Variants in FNIP1 observed in about 807,000 individuals in gnomAD.
FNIP1 encodes folliculin interacting protein 1, also known as folliculin-interacting protein 1.
FNIP1 carries 40 observed loss-of-function variants against 124.5 expected under a neutral mutation model. That is an observed-to-expected ratio of 0.32 (90% CI 0.25 to 0.42). The LOEUF is 0.42. FNIP1 is among the 10% of genes least tolerant of loss of function. The pLI is 1.00. For synonymous variants in FNIP1, 472 were observed against 470.6 expected, an observed-to-expected ratio of 1.00 and a Z score of -0.04; for missense variants, 1,176 against 1,403.7, an observed-to-expected ratio of 0.84 and a Z score of 2.59.
intron 15 of FNIP1, among the ~76,000 whole-genome samples, chr5:131,669,257 G>C (rs1258318406): frequency 6.6e-6 from 1 of 152,132 alleles, no homozygotes; most frequent in Non-Finnish European, 1.5e-5. Flanking sequence ...GGTTTCACTA[G>C]TGAGTTCTAC....
chr5:131,772,426 A>G (rs1277579361), intron 1 of FNIP1, among the ~76,000 whole-genome samples: 1 of 151,688 alleles, frequency 6.6e-6, no homozygotes, highest in Non-Finnish European at 1.5e-5. Context: ...AAACCAAAAA[A>G]AAAAAAAAAA....
intron 1 of FNIP1, among the ~76,000 whole-genome samples, chr5:131,781,106 A>G (rs1771979578): frequency 6.6e-6 from 1 of 152,252 alleles, no homozygotes; most frequent in Non-Finnish European, 1.5e-5. Context: ...GGAAGATCAA[A>G]CCAGTCACAA....
In FNIP1 at chr5:131,660,511, T is replaced by C. The variant is rs145454704; in HGVS notation, c.3109-8512A>G. Among the ~76,000 whole-genome samples the C allele has an allele frequency of 3.1e-3, 472 of 152,170 alleles. 1 individual carries two copies. The highest frequency in any genetic ancestry group is 0.011 in the African/African-American group (451 of 41,528). On this transcript the variant is annotated intron_variant, in intron 15 of 17. Coordinates refer to ENST00000510461, the MANE Select transcript of FNIP1 (RefSeq NM_133372.3). ...CCAGTAGGATAGCTTCAACCCCCTATGATGTTATTTCTGCCCCAACAAATC... is the reference window on the plus strand; with the variant it reads ...CCAGTAGGATAGCTTCAACCCCCTACGATGTTATTTCTGCCCCAACAAATC...
Position 131,670,526 on chromosome 5 carries a change from T to G in FNIP1, c.3045A>C (p.Gln1015His). 6.2e-7 allele frequency: 1 copy of G among 1,613,708 alleles called. No homozygotes were observed. Among genetic ancestry groups the G allele is most frequent in the Non-Finnish European group, 8.5e-7 (1 of 1,179,902 alleles). The change falls in exon 15 of 18, where the codon CAA becomes CAC. Residue 1015 changes from glutamine (Q) to histidine (H), a missense_variant. Physicochemically the swap from Gln to His is conservative, Grantham distance 24 (BLOSUM62 0). Coordinates refer to ENST00000510461, the MANE Select transcript of FNIP1 (RefSeq NM_133372.3). Reference sequence around the variant, plus strand: ...GGAACCTCTCATCACTCCCAATTCCTTGAAGAACAAAGTCAGGCACATAAG... The same window carrying G: ...GGAACCTCTCATCACTCCCAATTCCGTGAAGAACAAAGTCAGGCACATAAG... The part of the protein sequence containing the change: ...CSSYVPDFVL[Q>H]GIGSDERFRQ...
At chr5:131,716,504 A>C in intron 6 of FNIP1, 61 bp downstream of exon 6, 1 of 1,174,008 alleles carries the variant, frequency 8.5e-7, no homozygotes, top group South Asian at 1.4e-5. Flanking sequence ...GAATAACTTC[A>C]AAAAACACTT....
chr5:131,755,291 G>A (rs1771010871), intron 1 of FNIP1, among the ~76,000 whole-genome samples: 1 of 151,872 alleles, frequency 6.6e-6, no homozygotes. Flanking sequence ...CATGATGGTG[G>A]GCGCCTGTAA....
intron 3 of FNIP1, among the ~76,000 whole-genome samples, chr5:131,730,541 T>A (rs989135292): frequency 1.3e-5 from 2 of 152,226 alleles, no homozygotes; most frequent in Non-Finnish European, 2.9e-5. Flanking sequence ...AATAAAACTG[T>A]GTATTATGTA....
rs375384996 is a variant in FNIP1 at position 131,670,730 on chromosome 5, CTA to C, written c.2940-101_2940-100del. The C allele has an allele frequency of 3.8e-4, 316 of 837,484 alleles. 1 individual carries two copies. In the African/African-American group the frequency reaches 5.0e-3, roughly 13 times the overall value. The allele number at this position is 837,484 out of a possible 1,614,324, so 51.9% of individuals were successfully genotyped here. ...GAATTCTACTTGTCCATATTTTACACTAGTCTGTATTAAAATCAAGTGTAAAA... is the reference window on the plus strand; with the variant it reads ...GAATTCTACTTGTCCATATTTTACACGTCTGTATTAAAATCAAGTGTAAAA... On this transcript the variant is annotated intron_variant, in intron 14 of 17. Coordinates refer to ENST00000510461, the MANE Select transcript of FNIP1 (RefSeq NM_133372.3).
At chr5:131,770,913 T>C (rs558726790) in intron 1 of FNIP1, among the ~76,000 whole-genome samples, 77 of 152,278 alleles carry the variant, frequency 5.1e-4, no homozygotes, top group African/African-American at 1.8e-3. Flanking sequence ...GAAAGATGAA[T>C]TAGAAACAAT....
Position 131,677,892 on chromosome 5 carries a change from G to C in FNIP1, c.1350-20C>G. The C allele has an allele frequency of 6.2e-7, 1 of 1,607,044 alleles. No individual in the cohort carries two copies. The highest frequency in any genetic ancestry group is 2.2e-5 in the East Asian group (1 of 44,754). Reference sequence around the variant, plus strand: ...AAGAATCTGAAAACAAAATACATCTGATCAGATTCCAATCAGTCTTCATGA... The same window carrying C: ...AAGAATCTGAAAACAAAATACATCTCATCAGATTCCAATCAGTCTTCATGA... On this transcript the variant is annotated intron_variant, in intron 12 of 17. Coordinates refer to ENST00000510461, the MANE Select transcript of FNIP1 (RefSeq NM_133372.3).
At chr5:131,738,628 T>C (rs140904642) in intron 2 of FNIP1, among the ~76,000 whole-genome samples, 6 of 152,150 alleles carry the variant, frequency 3.9e-5, no homozygotes, top group East Asian at 1.9e-4. Flanking sequence ...GCCTCCCTAG[T>C]AGATGAAACT....
rs70974007 is a variant in FNIP1 at position 131,693,333 on chromosome 5, C to CATATAT, written c.1202+5578_1202+5583dup. 9.0e-3 allele frequency among the ~76,000 whole-genome samples: 448 copies of CATATAT among 50,050 alleles called. 10 individuals are homozygous for CATATAT. The highest frequency in any genetic ancestry group is 0.017 in the East Asian group (38 of 2,186). 32.8% of individuals were successfully genotyped at this position (50,050 alleles called of 152,430 possible). A position where few individuals can be genotyped will look rare whatever the true frequency, so the allele number is the denominator to read the frequency against. On this transcript the variant is annotated intron_variant, in intron 11 of 17. Transcript: ENST00000510461. The stretch of plus-strand genomic sequence containing the variant: ...ATATATATACACATATATATATATA[C>CATATAT]ATATATATATATATATATATATATA...
In FNIP1 at chr5:131,672,548, A is replaced by G. The variant is rs1466812004; in HGVS notation, c.1896T>C (p.Asp632=). The change falls in exon 14 of 18, where the codon GAT becomes GAC. Residue 632 remains aspartate, a synonymous_variant. Transcript: ENST00000510461. ...VENISQQERE[D]IQNSSKELLG... The stretch of plus-strand genomic sequence containing the variant: ...GCAGCTCCTTAGAGCTGTTTTGAAT[A>G]TCTTCTCTCTCTTGTTGTGAAATGT... The G allele has an allele frequency of 1.2e-6, 2 of 1,614,016 alleles. No individual in the cohort carries two copies. Among genetic ancestry groups the G allele is most frequent in the Non-Finnish European group, 1.7e-6 (2 of 1,180,026 alleles).
intron 17 of FNIP1, among the ~76,000 whole-genome samples, chr5:131,645,620 G>A (rs980678747): frequency 6.6e-6 from 1 of 152,196 alleles, no homozygotes; most frequent in Non-Finnish European, 1.5e-5. Flanking sequence ...ACTTTCTGGA[G>A]AGTATTCAGT....
intron 13 of FNIP1, among the ~76,000 whole-genome samples, 166 bp from the exon 14 acceptor site, chr5:131,673,090 C>T (rs1393624724): frequency 6.6e-6 from 1 of 151,498 alleles, no homozygotes; most frequent in Non-Finnish European, 1.5e-5. Context: ...CACTGTAATC[C>T]TGGCTGGAGT....
At chr5:131,724,069 A>G (rs1363288251) in intron 3 of FNIP1, among the ~76,000 whole-genome samples, 1 of 152,214 alleles carries the variant, frequency 6.6e-6, no homozygotes, top group Non-Finnish European at 1.5e-5. Flanking sequence ...ACAGTATTCC[A>G]TAGTGTATAT....
chr5:131,692,933 A>AGGAGGTGGAAGGTGGAAGT (rs1768529708), intron 11 of FNIP1, among the ~76,000 whole-genome samples: 1 of 151,918 alleles, frequency 6.6e-6, no homozygotes, highest in African/African-American at 2.4e-5. Context: ...ACTTGAACCC[A>AGGAGGTGGAAGGTGGAAGT]GGAGGTGGAA....
At chr5:131,776,899 C>T (rs1215543418) in intron 1 of FNIP1, among the ~76,000 whole-genome samples, 2 of 152,046 alleles carry the variant, frequency 1.3e-5, no homozygotes, top group Non-Finnish European at 2.9e-5. Flanking sequence ...TGTATGTTTA[C>T]GATCCGTACA....
At chr5:131,726,641 GT>G (rs1248147739) in intron 3 of FNIP1, among the ~76,000 whole-genome samples, 6 of 152,160 alleles carry the variant, frequency 3.9e-5, no homozygotes, top group African/African-American at 1.2e-4. Flanking sequence ...TTTTTGAAGG[GT>G]TTTTTGTGTC....
Sources: gnomAD v4.1 joint callset for allele counts (sites outside exome capture counted in the v4.1 genomes callset) on GRCh38, gnomAD v4.1.1 for gene constraint, MANE v1.5 for transcripts, NCBI Gene and HGNC (gene_info 2026-07-23, HGNC 2026-07-21) for gene names.